Variants in EEFSEC observed in about 807,000 individuals in gnomAD.
The protein encoded by EEFSEC is selenocysteine-specific elongation factor.
A neutral mutation model predicts 42.1 loss-of-function variants in EEFSEC; 43 were observed. The observed-to-expected ratio is 1.02, with a 90% CI of 0.80 to 1.32. The LOEUF is 1.32. Among genes scored for constraint, EEFSEC ranks in the 40% most tolerant of loss-of-function variants. The pLI is 0.00. For synonymous variants in EEFSEC, 354 were observed against 339.1 expected (o/e 1.04, Z -0.48); for missense variants, 745 against 803.6 (o/e 0.93, Z 0.88).
intron 5 of EEFSEC, among the ~76,000 whole-genome samples, chr3:128,353,827 C>A (rs747608329): frequency 1.3e-4 from 20 of 152,236 alleles, no homozygotes; most frequent in Non-Finnish European, 2.2e-4. Context: ...ACTGAGCCCC[C>A]TGTTCCCGAC....
chr3:128,213,354 G>A (rs150303856), intron 1 of EEFSEC, among the ~76,000 whole-genome samples: 36 of 152,346 alleles, frequency 2.4e-4, no homozygotes, highest in East Asian at 9.6e-4. Context: ...TGTAGTTGGC[G>A]TAGTAGAAAA....
At chr3:128,380,014 G>A (rs1049543804) in intron 6 of EEFSEC, among the ~76,000 whole-genome samples, 9 of 152,252 alleles carry the variant, frequency 5.9e-5, no homozygotes, top group African/African-American at 1.4e-4. Flanking sequence ...TCTGAGGCTG[G>A]CATGTAAGGT....
chr3:128,211,363 C>T (rs562804804), intron 1 of EEFSEC, among the ~76,000 whole-genome samples: 12 of 152,208 alleles, frequency 7.9e-5, no homozygotes, highest in Admixed American at 7.2e-4. Context: ...AAGGAATCCT[C>T]CCAACTCAGC....
downstream of EEFSEC, among the ~76,000 whole-genome samples, chr3:128,413,597 C>G (rs1374398230): frequency 2.0e-5 from 3 of 152,204 alleles, no homozygotes; most frequent in Non-Finnish European, 4.4e-5. Context: ...TGCTCAGTCC[C>G]CACGTGCTCC....
At chr3:128,216,162 A>G (rs2065808969) in intron 1 of EEFSEC, among the ~76,000 whole-genome samples, 1 of 152,152 alleles carries the variant, frequency 6.6e-6, no homozygotes, top group Non-Finnish European at 1.5e-5. Flanking sequence ...GCATTCTGCT[A>G]TTTTTCTTGC....
chr3:128,295,000 G>C (rs1472113913), intron 4 of EEFSEC, among the ~76,000 whole-genome samples: 1 of 152,214 alleles, frequency 6.6e-6, no homozygotes, highest in Non-Finnish European at 1.5e-5. Flanking sequence ...AAATGGCTAT[G>C]TCTCTGCCAG....
intron 4 of EEFSEC, among the ~76,000 whole-genome samples, chr3:128,290,407 T>A (rs2066630709): frequency 6.6e-6 from 1 of 152,182 alleles, no homozygotes; most frequent in Admixed American, 6.5e-5. Flanking sequence ...TATGTGTGGG[T>A]CTACTTCTGT....
intron 6 of EEFSEC, among the ~76,000 whole-genome samples, chr3:128,399,148 C>T (rs1470786219): frequency 6.6e-6 from 1 of 151,976 alleles, no homozygotes; most frequent in African/African-American, 2.4e-5. Flanking sequence ...ACTGGTGTTC[C>T]CTCCCCACGC....
intron 4 of EEFSEC, among the ~76,000 whole-genome samples, chr3:128,312,871 A>G (rs972242483): frequency 1.3e-5 from 2 of 152,206 alleles, no homozygotes; most frequent in Admixed American, 1.3e-4. Context: ...CTGCATTACC[A>G]TATATAGAAA....
downstream of EEFSEC, among the ~76,000 whole-genome samples, chr3:128,413,079 C>T (rs1037732970): frequency 6.6e-6 from 1 of 152,080 alleles, no homozygotes; most frequent in Non-Finnish European, 1.5e-5. Flanking sequence ...GGCTCCCCCA[C>T]CCCCAACACA....
At chr3:128,419,381 A>G in the EEFSEC span, among the ~76,000 whole-genome samples, 1 of 152,268 alleles carries the variant, frequency 6.6e-6, no homozygotes, top group Non-Finnish European at 1.5e-5. Context: ...ATAAATCCTG[A>G]AAACAGGTGA....
rs187277098 is a variant in EEFSEC at position 128,181,975 on chromosome 3, G to A, written c.316+28152G>A. Reference sequence around the variant, plus strand: ...ATTACAGGCATGTGCCACCATGCCCGGCTAATTTTTGTATTTTTAGTAGAG... The same window carrying A: ...ATTACAGGCATGTGCCACCATGCCCAGCTAATTTTTGTATTTTTAGTAGAG... On this transcript the variant is annotated intron_variant, in intron 1 of 6. Transcript: ENST00000254730. 8.7e-3 allele frequency among the ~76,000 whole-genome samples: 1,325 copies of A among 152,076 alleles called. 11 individuals carry two copies. The highest frequency in any genetic ancestry group is 0.012 in the Non-Finnish European group (825 of 67,966).
chr3:128,277,767 T>C (rs776961833), intron 4 of EEFSEC, among the ~76,000 whole-genome samples: 8 of 152,152 alleles, frequency 5.3e-5, no homozygotes, highest in Non-Finnish European at 1.2e-4. Context: ...TGGCCTGAGA[T>C]GGGGCCTTCC....
chr3:128,410,889 C>T (rs958552372), downstream of EEFSEC, among the ~76,000 whole-genome samples: 7 of 152,194 alleles, frequency 4.6e-5, no homozygotes, highest in African/African-American at 1.7e-4. Context: ...CCTCAAAGTC[C>T]CGGGAAGGAG....
At chr3:128,334,825 C>G (rs1444214107) in intron 4 of EEFSEC, among the ~76,000 whole-genome samples, 1 of 152,232 alleles carries the variant, frequency 6.6e-6, no homozygotes, top group African/African-American at 2.4e-5. Context: ...GGGAGCTAGG[C>G]TCAGGGGACG....
chr3:128,325,166 CTG>C (rs2067050791), intron 4 of EEFSEC, among the ~76,000 whole-genome samples: 1 of 152,226 alleles, frequency 6.6e-6, no homozygotes, highest in Non-Finnish European at 1.5e-5. Context: ...GCCATACAGT[CTG>C]TGCAGACCCA....
chr3:128,397,335 C>T (rs541691835), intron 6 of EEFSEC, among the ~76,000 whole-genome samples: 15 of 152,312 alleles, frequency 9.8e-5, no homozygotes, highest in Admixed American at 2.6e-4. Flanking sequence ...GGATGGGAAT[C>T]GCTGCTCCCT....
intron 4 of EEFSEC, among the ~76,000 whole-genome samples, chr3:128,298,660 T>C (rs1445869096): frequency 6.6e-6 from 1 of 152,232 alleles, no homozygotes; most frequent in Non-Finnish European, 1.5e-5. Context: ...CAGCCTACTG[T>C]ACGTTAGAAC....
chr3:128,155,388 G>C (rs896124752), intron 1 of EEFSEC, among the ~76,000 whole-genome samples: 8 of 152,190 alleles, frequency 5.3e-5, no homozygotes, highest in Non-Finnish European at 1.0e-4. Flanking sequence ...TGGGATTACA[G>C]GTGTGAGCCA....
Sources: gnomAD v4.1 joint callset for allele counts (sites outside exome capture counted in the v4.1 genomes callset) on GRCh38, gnomAD v4.1.1 for gene constraint, MANE v1.5 for transcripts, NCBI Gene and HGNC (gene_info 2026-07-23, HGNC 2026-07-21) for gene names.